TBC1D30: variants seen among roughly 807,000 people sequenced by gnomAD.
The protein encoded by TBC1D30 is TBC1 domain family member 30.
Under a neutral mutation model 63.2 loss-of-function variants are expected in TBC1D30, and 31 were observed. The observed-to-expected ratio is 0.49, with a 90% CI of 0.37 to 0.66. The LOEUF (loss-of-function observed/expected upper bound fraction) is 0.66, where lower values mean the gene tolerates loss of function less well. Ranked by LOEUF, TBC1D30 falls within the 30% of genes least tolerant of loss-of-function variation. The probability of loss-of-function intolerance (pLI) is 0.00; values close to 1 mark genes in which losing one functional copy is unlikely to be tolerated. For missense variants in TBC1D30, 810 were observed against 953.6 expected (o/e 0.85, Z 1.98); for synonymous variants, 307 against 361.5 (o/e 0.85, Z 1.71).
Position 64,881,022 on chromosome 12 carries a change from A to G in TBC1D30, c.*5234A>G, listed in dbSNP as rs1879429237. The G allele has an allele frequency of 6.6e-6, 1 of 152,070 alleles. No individual in the cohort carries two copies. Among genetic ancestry groups the G allele is most frequent in the African/African-American group, 2.4e-5 (1 of 41,390 alleles). 9.4% of individuals were successfully genotyped at this position (152,070 alleles called of 1,614,324 possible). On this transcript the variant is annotated 3_prime_UTR_variant, in exon 12 of 12. Coordinates refer to ENST00000539867, the MANE Select transcript of TBC1D30 (RefSeq NM_015279.2). ...ATTAAAACATGAAACAAAGCAAAAAATAAAAAAAAACCTCCTTAGTAATTG... is the reference window on the plus strand; with the variant it reads ...ATTAAAACATGAAACAAAGCAAAAAGTAAAAAAAAACCTCCTTAGTAATTG...
Position 64,864,720 on chromosome 12 carries a change from A to G in TBC1D30, c.1091A>G (p.Glu364Gly), listed in dbSNP as rs781112804. Reference sequence around the variant, plus strand: ...TTCCCACAATTGGCAGAGTTGAGGGAAAAATACACCTACAACATTACACCG... The same window carrying G: ...TTCCCACAATTGGCAGAGTTGAGGGGAAAATACACCTACAACATTACACCG... ...FPFPQLAELR[E>G]KYTYNITPFP... The change falls in exon 9 of 12, where the codon GAA becomes GGA. Residue 364 changes from glutamate to glycine, a missense_variant. By Grantham distance (98) the Glu-to-Gly change is moderately conservative. Coordinates refer to ENST00000539867, the MANE Select transcript of TBC1D30 (RefSeq NM_015279.2). 2.0e-6 allele frequency: 3 copies of G among 1,536,294 alleles called. No individual in the cohort carries two copies. The highest frequency in any genetic ancestry group is 2.4e-5 in the South Asian group (2 of 84,048).
At chr12:64,866,944 G>A (rs1160615894) in intron 10 of TBC1D30, 41 bp downstream of exon 10, 1 of 1,531,468 alleles carries the variant, frequency 6.5e-7, no homozygotes, top group African/African-American at 1.4e-5. Context: ...ATGATGTATT[G>A]GTTTACTACA....
intron 2 of TBC1D30, among the ~76,000 whole-genome samples, chr12:64,818,266 T>C (rs1471780799): frequency 6.6e-6 from 1 of 152,144 alleles, no homozygotes; most frequent in Non-Finnish European, 1.5e-5. Context: ...TTGGCCTGTT[T>C]TCAGGTGAAA....
intron 11 of TBC1D30, among the ~76,000 whole-genome samples, chr12:64,874,231 G>T (rs1484941334): frequency 6.6e-6 from 1 of 152,164 alleles, no homozygotes; most frequent in Non-Finnish European, 1.5e-5. Flanking sequence ...GGGACTACAG[G>T]CATGCACCAT....
chr12:64,771,209 C>G (rs1205793026), intron 1 of TBC1D30, among the ~76,000 whole-genome samples: 1 of 151,668 alleles, frequency 6.6e-6, no homozygotes. Context: ...TAAGGTATTC[C>G]GTGTGTAAGA....
At chr12:64,788,747 G>A (rs949725853) in intron 2 of TBC1D30, among the ~76,000 whole-genome samples, 14 of 152,202 alleles carry the variant, frequency 9.2e-5, no homozygotes, top group African/African-American at 3.1e-4. Context: ...GGGTTGTCTG[G>A]CACCTTTCCT....
intron 1 of TBC1D30, among the ~76,000 whole-genome samples, chr12:64,781,697 TTTTTTTTG>T (rs1220555472): frequency 1.3e-5 from 2 of 151,318 alleles, no homozygotes; most frequent in Non-Finnish European, 2.9e-5. Context: ...TTTCCTTTTT[TTTTTTTTG>T]TTTTTTTGTT....
At chr12:64,789,499 A>G (rs1000791249) in intron 2 of TBC1D30, among the ~76,000 whole-genome samples, 3 of 152,048 alleles carry the variant, frequency 2.0e-5, no homozygotes, top group African/African-American at 7.2e-5. Flanking sequence ...TTCTCCTTCT[A>G]TAACATGCTA....
chr12:64,824,796 G>C lies in TBC1D30; in HGVS notation c.-84G>C. The C allele has an allele frequency of 6.8e-7, 1 of 1,473,884 alleles. No individual in the cohort carries two copies. The highest frequency in any genetic ancestry group is 9.0e-7 in the Non-Finnish European group (1 of 1,111,310). The allele number at this position is 1,473,884 out of a possible 1,614,324, so 91.3% of individuals were successfully genotyped here. On this transcript the variant is annotated 5_prime_UTR_variant, in exon 1 of 12. Transcript: ENST00000539867. ...CCGGTCAGCCGCAGACACTCACCCA[G>C]CTCCGCGAGCTCAGCCGCTCAGCGA...
chr12:64,759,855 T>C (rs1444473163), intron 1 of TBC1D30, among the ~76,000 whole-genome samples: 1 of 152,226 alleles, frequency 6.6e-6, no homozygotes, highest in Non-Finnish European at 1.5e-5. Context: ...GACTCTACCA[T>C]ATTTAATCCC....
intron 2 of TBC1D30, among the ~76,000 whole-genome samples, chr12:64,792,760 G>C (rs1436300037): frequency 6.6e-6 from 1 of 152,026 alleles, no homozygotes; most frequent in East Asian, 1.9e-4. Context: ...TTTTAGTAGA[G>C]ATGGGGTTTC....
chr12:64,868,041 A>T (rs1878366359), intron 10 of TBC1D30: 1 of 155,100 alleles, frequency 6.4e-6, no homozygotes, highest in African/African-American at 2.4e-5. Context: ...CTTTTTCTTC[A>T]TTCCACCTTG....
intron 2 of TBC1D30, among the ~76,000 whole-genome samples, chr12:64,819,628 G>A (rs1303674558): frequency 6.6e-6 from 1 of 151,978 alleles, no homozygotes; most frequent in Non-Finnish European, 1.5e-5. Flanking sequence ...TGTTGGCCAG[G>A]CTGGTCAGTC....
Position 64,875,070 on chromosome 12 carries a change from T to C in TBC1D30, c.1568T>C (p.Leu523Ser), listed in dbSNP as rs889996500. 37 of 1,536,442 alleles carry C rather than the reference T, an allele frequency of 2.4e-5. No homozygotes were observed. The highest frequency in any genetic ancestry group is 3.1e-5 in the Non-Finnish European group (36 of 1,146,964). ...TCTCCAGTTATAAACCACCTTCTTT[T>C]AGGAAAGAAGATGAAAATGACTAAC... is the stretch of plus-strand genomic sequence containing the variant. ...NSSPVINHLL[L>S]GKKMKMTNRA... Residue 523 changes from leucine (L) to serine (S), a missense_variant, in exon 12 of 12, where the codon TTA (leucine) becomes TCA (serine). This residue lies in a region of TBC1D30 where 450 missense variants were observed against 473.0 expected (regional missense o/e 0.95). Coordinates refer to ENST00000539867, the MANE Select transcript of TBC1D30 (RefSeq NM_015279.2).
At chr12:64,777,841 C>T (rs1871128469), upstream of TBC1D30, among the ~76,000 whole-genome samples, 1 of 152,236 alleles carries the variant, frequency 6.6e-6, no homozygotes, top group South Asian at 2.1e-4. Flanking sequence ...CTCCCTGCAA[C>T]CTCTGCCTAC....
intron 11 of TBC1D30, among the ~76,000 whole-genome samples, chr12:64,874,379 C>T (rs191108136): frequency 2.5e-4 from 38 of 152,326 alleles, no homozygotes; most frequent in Non-Finnish European, 4.3e-4. Context: ...TGAACCACGG[C>T]ACCTAGCTGA....
At chr12:64,863,343 T>A (rs1233984475) in intron 8 of TBC1D30, among the ~76,000 whole-genome samples, 1 of 152,194 alleles carries the variant, frequency 6.6e-6, no homozygotes, top group Non-Finnish European at 1.5e-5. Context: ...GGTGGGGAAC[T>A]GGTTTAATTT....
chr12:64,789,059 A>G (rs1181954122), intron 2 of TBC1D30, among the ~76,000 whole-genome samples: 1 of 152,126 alleles, frequency 6.6e-6, no homozygotes, highest in Non-Finnish European at 1.5e-5. Context: ...ACTGAATAAC[A>G]TATTGACTTT....
At chr12:64,858,096 G>A (rs1010518366) in intron 8 of TBC1D30, among the ~76,000 whole-genome samples, 2 of 152,070 alleles carry the variant, frequency 1.3e-5, no homozygotes, top group East Asian at 1.9e-4. Flanking sequence ...TCTTGTTATC[G>A]TGCTTCTCTG....
Sources: allele counts gnomAD v4.1 joint callset (sites outside exome capture counted in the v4.1 genomes callset), GRCh38; gene constraint gnomAD v4.1.1; regional missense constraint gnomAD v4.1.1; transcripts MANE v1.5; gene names NCBI Gene and HGNC (gene_info 2026-07-23, HGNC 2026-07-21).